TRDN: variants seen among roughly 807,000 people sequenced by gnomAD.
TRDN encodes triadin, also known as triadin in skeletal muscle.
TRDN carries 161 observed loss-of-function variants against 149.7 expected under a neutral mutation model. The observed-to-expected ratio is 1.08, with a 90% CI of 0.95 to 1.23. The LOEUF (loss-of-function observed/expected upper bound fraction) is 1.23, where lower values mean the gene tolerates loss of function less well. TRDN is among the 50% of genes most tolerant of loss of function. The pLI is 0.00. For missense variants in TRDN, 896 were observed against 823.5 expected (o/e 1.09, Z -1.08); for synonymous variants, 294 against 250.5 (o/e 1.17, Z -1.64).
chr6:123,275,040 C>A (rs1466742499), intron 26 of TRDN, among the ~76,000 whole-genome samples: 1 of 152,006 alleles, frequency 6.6e-6, no homozygotes, highest in Non-Finnish European at 1.5e-5. Flanking sequence ...CCAAAGTCAA[C>A]ATAAGATAAA....
rs146293633 is a variant in TRDN, at chr6:123,240,438, T to G, written c.1975+11974A>C. ...TTTCTCTTTCTGTTTTTGATTTCAG[T>G]ATATAATCAATCTTACTTGCTGAAA... On this transcript the variant is annotated intron_variant, in intron 38 of 40. Coordinates refer to ENST00000334268, the MANE Select transcript of TRDN (RefSeq NM_006073.4). Among the ~76,000 whole-genome samples the G allele has an allele frequency of 6.2e-3, 944 of 151,822 alleles. 9 individuals carry two copies. Among genetic ancestry groups the G allele is most frequent in the African/African-American group, 0.022 (893 of 41,502 alleles).
chr6:123,595,536 A>G (rs1398557216), intron 1 of TRDN, among the ~76,000 whole-genome samples: 3 of 152,150 alleles, frequency 2.0e-5, no homozygotes, highest in Non-Finnish European at 2.9e-5. Flanking sequence ...GCTTCACTTT[A>G]TCACATTGCA....
intron 9 of TRDN, 69 bp from the exon 10 acceptor site, chr6:123,465,052 G>C (rs1005647706): frequency 4.0e-6 from 6 of 1,491,660 alleles, no homozygotes; most frequent in Middle Eastern, 1.9e-4. Flanking sequence ...CAACTAAAAA[G>C]CTAGATCTGT....
intron 24 of TRDN, among the ~76,000 whole-genome samples, chr6:123,299,883 G>A (rs895125424): frequency 3.3e-5 from 5 of 151,982 alleles, no homozygotes; most frequent in Non-Finnish European, 7.4e-5. Context: ...TTTTAGAATA[G>A]CAAAGAAGAT....
At chr6:123,392,930 T>C (rs1487108425) in intron 13 of TRDN, among the ~76,000 whole-genome samples, 1 of 152,086 alleles carries the variant, frequency 6.6e-6, no homozygotes, top group East Asian at 1.9e-4. Flanking sequence ...TGATATTATA[T>C]AATCTAGCAT....
chr6:123,385,224 G>A (rs1000155645), intron 14 of TRDN, among the ~76,000 whole-genome samples: 36 of 151,896 alleles, frequency 2.4e-4, no homozygotes, highest in African/African-American at 8.5e-4. Context: ...TCAGGAGATC[G>A]AGACCATCCT....
At chr6:123,407,721 A>C (rs1773254776) in intron 12 of TRDN, among the ~76,000 whole-genome samples, 1 of 152,204 alleles carries the variant, frequency 6.6e-6, no homozygotes, top group Non-Finnish European at 1.5e-5. Flanking sequence ...ATTATTTTGA[A>C]GGATCAAACA....
chr6:123,243,747 G>A (rs1284932460), intron 38 of TRDN, among the ~76,000 whole-genome samples: 5 of 151,806 alleles, frequency 3.3e-5, no homozygotes, highest in Non-Finnish European at 4.4e-5. Context: ...GAAATAAACC[G>A]GTAAGTCACA....
chr6:123,377,871 T>C lies in TRDN; in HGVS notation c.1214A>G (p.Glu405Gly). Reference sequence around the variant, plus strand: ...AGGAATTTAAAAACAGTTACCTGGTTCCACATGTTTTTCTTTCTTTTCCTG... The same window carrying C: ...AGGAATTTAAAAACAGTTACCTGGTCCCACATGTTTTTCTTTCTTTTCCTG... ...KKQEKKEKHV[E>G]PAKSPKKEHS... Residue 405 changes from glutamate to glycine, a missense_variant, in exon 17 of 41, where the codon GAA becomes GGA. By Grantham distance (98) the Glu-to-Gly change is moderately conservative (BLOSUM62 -2). Coordinates refer to ENST00000334268, the MANE Select transcript of TRDN (RefSeq NM_006073.4). 2 of 1,554,010 alleles carry C rather than the reference T, an allele frequency of 1.3e-6. No homozygotes were observed. The highest frequency in any genetic ancestry group is 1.8e-6 in the Non-Finnish European group (2 of 1,139,354).
chr6:123,226,421 T>G (rs917288888), intron 38 of TRDN, among the ~76,000 whole-genome samples: 8 of 151,876 alleles, frequency 5.3e-5, no homozygotes, highest in African/African-American at 1.9e-4. Context: ...TTTTTGTAGA[T>G]TATAGCACAC....
chr6:123,375,549 T>G, intron 19 of TRDN, 56 bp downstream of exon 19: 1 of 1,458,834 alleles, frequency 6.9e-7, no homozygotes, highest in African/African-American at 1.5e-5. Context: ...TAGCAGAAAA[T>G]TCAAATGAGT....
chr6:123,524,866 C>T (rs933283401), intron 5 of TRDN, among the ~76,000 whole-genome samples: 7 of 152,206 alleles, frequency 4.6e-5, no homozygotes, highest in African/African-American at 1.4e-4. Flanking sequence ...TGCTATTTTT[C>T]TACCATGAAC....
At position 123,304,256 on chromosome 6, in the gene TRDN, T is replaced by A. The variant is rs892391982; in HGVS notation, c.1510+12201A>T. Reference sequence around the variant, plus strand: ...ATATTAATTTTCTTTTATTTTCTTTTTTTTTTTTTTTTTTTGAGACGGAGT... The same window carrying A: ...ATATTAATTTTCTTTTATTTTCTTTATTTTTTTTTTTTTTTGAGACGGAGT... On this transcript the variant is annotated intron_variant, in intron 24 of 40. Transcript: ENST00000334268. Among the ~76,000 whole-genome samples the A allele has an allele frequency of 1.2e-3, 168 of 143,152 alleles. 1 individual carries two copies. The highest frequency in any genetic ancestry group is 4.0e-3 in the African/African-American group (157 of 39,332). The allele number at this position is 143,152 out of a possible 152,430, so 93.9% of individuals were successfully genotyped here.
At chr6:123,383,097 T>C (rs1781780384) in intron 14 of TRDN, among the ~76,000 whole-genome samples, 1 of 152,046 alleles carries the variant, frequency 6.6e-6, no homozygotes, top group Admixed American at 6.6e-5. Context: ...ACAGTAGACA[T>C]TCACTAATAG....
intron 21 of TRDN, chr6:123,349,419 A>G: frequency 1.5e-6 from 1 of 664,348 alleles, no homozygotes; most frequent in Non-Finnish European, 1.9e-6. Context: ...CGCTCAATAA[A>G]TATTAAACAA....
intron 9 of TRDN, among the ~76,000 whole-genome samples, chr6:123,473,466 G>C (rs921226504): frequency 6.6e-6 from 1 of 151,954 alleles, no homozygotes; most frequent in African/African-American, 2.4e-5. Context: ...ATCTACGTCT[G>C]ATTGGTGTAC....
intron 10 of TRDN, among the ~76,000 whole-genome samples, chr6:123,443,416 G>A (rs948921150): frequency 7.9e-5 from 12 of 152,008 alleles, no homozygotes; most frequent in African/African-American, 2.9e-4. Flanking sequence ...AAGAGCTTTG[G>A]GCTATTAGGG....
At chr6:123,400,167 G>GTGTATATATATATATATATATATA (rs1554232309) in intron 12 of TRDN, among the ~76,000 whole-genome samples, 1 of 123,396 alleles carries the variant, frequency 8.1e-6, no homozygotes, top group Non-Finnish European at 1.7e-5. Flanking sequence ...ATATGTATGT[G>GTGTATATATATATATATATATATA]TATATATATA....
rs533210679 is a variant in TRDN at position 123,453,890 on chromosome 6, G to GGT, written c.931+11014_931+11015dup. On this transcript the variant is annotated intron_variant, in intron 10 of 40. Transcript: ENST00000334268. ...GTCAATGAGTGGATAAAGAAACTGT[G>GGT]GTGTGTGTGTGTGTGTGTGTGTGTA... 5.5e-3 allele frequency among the ~76,000 whole-genome samples: 812 copies of GGT among 148,614 alleles called. 4 individuals carry two copies. The highest frequency in any genetic ancestry group is 8.8e-3 in the African/African-American group (359 of 40,590).
Sources: allele counts gnomAD v4.1 joint callset (sites outside exome capture counted in the v4.1 genomes callset), GRCh38; gene constraint gnomAD v4.1.1; transcripts MANE v1.5; gene names NCBI Gene and HGNC (gene_info 2026-07-23, HGNC 2026-07-21).